Variants in CACNA1E observed in about 807,000 individuals in gnomAD.
CACNA1E encodes voltage-dependent R-type calcium channel subunit alpha-1E.
In CACNA1E, 40 loss-of-function variants were observed where a neutral mutation model predicts 259.2. That is an observed-to-expected ratio of 0.15 (90% CI 0.12 to 0.20). The LOEUF is 0.20. Among genes scored for constraint, CACNA1E ranks in the 10% least tolerant of loss-of-function variants. CACNA1E has a pLI of 1.00. For missense variants in CACNA1E, 1,874 were observed against 3,040.1 expected (o/e 0.62, Z 9.02); for synonymous variants, 1,104 against 1,138.5 (o/e 0.97, Z 0.61).
intron 1 of CACNA1E, among the ~76,000 whole-genome samples, chr1:181,487,685 C>T (rs1391042296): frequency 3.3e-5 from 5 of 152,220 alleles, no homozygotes; most frequent in African/African-American, 9.6e-5. Flanking sequence ...CACCGTGCCT[C>T]ATGCTTACCA....
At chr1:181,434,160 T>C (rs887690520) in intron 2 of CACNA1E, among the ~76,000 whole-genome samples, 1 of 152,210 alleles carries the variant, frequency 6.6e-6, no homozygotes, top group African/African-American at 2.4e-5. Flanking sequence ...GGGTATGTCC[T>C]TATCTGTAAA....
intron 6 of CACNA1E, among the ~76,000 whole-genome samples, chr1:181,638,941 A>C (rs1409240507): frequency 6.6e-6 from 1 of 152,210 alleles, no homozygotes; most frequent in African/African-American, 2.4e-5. Flanking sequence ...TAAATTGCCT[A>C]GCCTTGGGCA....
chr1:181,629,890 T>A (rs1343596433), intron 6 of CACNA1E, among the ~76,000 whole-genome samples: 2 of 152,198 alleles, frequency 1.3e-5, no homozygotes, highest in Admixed American at 6.5e-5. Flanking sequence ...TACCTGTGGT[T>A]CTGTGCGTCT....
chr1:181,565,470 C>A (rs533655274), intron 3 of CACNA1E, among the ~76,000 whole-genome samples: 1 of 152,314 alleles, frequency 6.6e-6, no homozygotes, highest in South Asian at 2.1e-4. Context: ...AGTGACAGCT[C>A]TTGAGCCTTT....
At position 181,763,420 on chromosome 1, in the gene CACNA1E, T is replaced by A; in HGVS notation, c.4704T>A (p.Ser1568Arg). 1 of 1,595,020 alleles carries A rather than the reference T, an allele frequency of 6.3e-7. No homozygotes were observed. The highest frequency in any genetic ancestry group is 1.3e-5 in the African/African-American group (1 of 74,634). Residue 1568 changes from serine to arginine, a missense_variant, in exon 34 of 48, where the codon AGT becomes AGA. Ser to Arg is a moderately radical substitution (Grantham distance 110). This residue lies in a region of CACNA1E where 188 missense variants were observed against 540.6 expected (regional missense o/e 0.35). Coordinates refer to ENST00000367573, the MANE Select transcript of CACNA1E (RefSeq NM_001205293.3). ...ILTDSKLVNT[S>R]GFNMSFLKLF... ...TGGTCCACCAGCTGGTGAACACCAG[T>A]GGCTTCAATATGAGCTTTCTGAAGC...
rs1193947311 is a variant in CACNA1E at position 181,805,171 on chromosome 1, G to T, written c.*6337G>T. 6.6e-6 allele frequency: 1 copy of T among 152,050 alleles called. No individual in the cohort carries two copies. The highest frequency in any genetic ancestry group is 2.4e-5 in the African/African-American group (1 of 41,390). 9.4% of individuals were successfully genotyped at this position (152,050 alleles called of 1,614,324 possible). ...AACCAGACCCTAGACTTTATACCAG[G>T]CTGTGCCACTTCCTCTTCACTTCAC... On this transcript the variant is annotated 3_prime_UTR_variant, in exon 48 of 48. Coordinates refer to ENST00000367573, the MANE Select transcript of CACNA1E (RefSeq NM_001205293.3).
intron 3 of CACNA1E, among the ~76,000 whole-genome samples, chr1:181,516,473 CACAG>C (rs3080532): frequency 0.29 from 44,273 of 151,586 alleles, 7,687 homozygotes; most frequent in African/African-American, 0.48. Flanking sequence ...GAAGCCAAGG[CACAG>C]ACAATTTAAC....
intron 7 of CACNA1E, among the ~76,000 whole-genome samples, chr1:181,689,412 T>C (rs558861432): frequency 6.6e-6 from 1 of 152,376 alleles, no homozygotes. Flanking sequence ...TCCAAGTCTT[T>C]GCTATTGTGA....
At chr1:181,489,638 G>A (rs1459085657) in intron 1 of CACNA1E, among the ~76,000 whole-genome samples, 1 of 152,208 alleles carries the variant, frequency 6.6e-6, no homozygotes, top group African/African-American at 2.4e-5. Flanking sequence ...CTGTGGTTAA[G>A]TGGAAGGTAC....
chr1:181,411,985 C>T lies in CACNA1E; in HGVS notation c.-14-1148C>T, dbSNP rs542617815. The stretch of plus-strand genomic sequence containing the variant: ...GCACATTCTGTGATGTGGTCACAAT[C>T]GATGTTCTTCCTGCCTCTTCCATGA... On this transcript the variant is annotated intron_variant, in intron 1 of 11. Coordinates refer to the CACNA1E transcript ENST00000524607. Among the ~76,000 whole-genome samples, 25 of 152,386 alleles carry T rather than the reference C, an allele frequency of 1.6e-4. No homozygotes were observed. The South Asian group carries it at 2.7e-3, about 16-fold the overall frequency.
chr1:181,344,310 C>G (rs1652416985), intron 1 of CACNA1E, among the ~76,000 whole-genome samples: 1 of 152,216 alleles, frequency 6.6e-6, no homozygotes. Context: ...CTTCCGTACG[C>G]ATTCCAGGCA....
At chr1:181,320,453 T>C (rs1650255494) in intron 1 of CACNA1E, among the ~76,000 whole-genome samples, 1 of 152,204 alleles carries the variant, frequency 6.6e-6, no homozygotes, top group Non-Finnish European at 1.5e-5. Context: ...CATTGATTGA[T>C]TGCTTATTGC....
At chr1:181,491,928 G>A (rs1352162864) in intron 1 of CACNA1E, among the ~76,000 whole-genome samples, 1 of 152,228 alleles carries the variant, frequency 6.6e-6, no homozygotes, top group Non-Finnish European at 1.5e-5. Context: ...ACCAGGACCT[G>A]TAAGACCAGG....
chr1:181,472,828 C>A (rs563585717), intron 2 of CACNA1E, among the ~76,000 whole-genome samples: 12 of 152,336 alleles, frequency 7.9e-5, no homozygotes, highest in African/African-American at 2.6e-4. Flanking sequence ...GGCAGGCCTG[C>A]TGTTCATGGG....
chr1:181,382,557 G>T (rs752806365), intron 1 of CACNA1E, among the ~76,000 whole-genome samples: 9 of 152,084 alleles, frequency 5.9e-5, no homozygotes, highest in Non-Finnish European at 1.0e-4. Context: ...AGTGTGTCTA[G>T]GAATCTTGTT....
intron 2 of CACNA1E, among the ~76,000 whole-genome samples, chr1:181,466,760 T>C (rs1175968147): frequency 6.6e-6 from 1 of 152,248 alleles, no homozygotes; most frequent in Non-Finnish European, 1.5e-5. Context: ...TTCAAATATA[T>C]TTGAAAATAT....
chr1:181,326,935 C>G (rs1650839904), intron 1 of CACNA1E, among the ~76,000 whole-genome samples: 1 of 152,156 alleles, frequency 6.6e-6, no homozygotes, highest in Admixed American at 6.5e-5. Context: ...CCTCACCCAC[C>G]CCACGTGGGC....
rs547872699 is a variant in CACNA1E, at chr1:181,328,225, C to A, written c.-15+10102C>A. Among the ~76,000 whole-genome samples, 8 of 152,176 alleles carry A rather than the reference C, an allele frequency of 5.3e-5. No individual in the cohort carries two copies. The East Asian group carries it at 1.5e-3, about 29-fold the overall frequency. ...CCTGTTTCCTGGTTCATAGGTGGTG[C>A]CTTCTCGCTGTGTCCTCACATGGTG... On this transcript the variant is annotated intron_variant, in intron 1 of 11. Coordinates refer to the CACNA1E transcript ENST00000524607.
intron 3 of CACNA1E, among the ~76,000 whole-genome samples, chr1:181,572,526 A>G (rs1246574326): frequency 3.9e-5 from 6 of 152,200 alleles, no homozygotes; most frequent in Non-Finnish European, 8.8e-5. Flanking sequence ...GTACTCTCCA[A>G]CTGTCCTCTG....
Sources: gnomAD v4.1 joint callset for allele counts (sites outside exome capture counted in the v4.1 genomes callset) on GRCh38, gnomAD v4.1.1 for gene constraint, gnomAD v4.1.1 regional missense constraint, MANE v1.5 for transcripts, NCBI Gene and HGNC (gene_info 2026-07-23, HGNC 2026-07-21) for gene names.